Variants in MXRA7 observed in about 807,000 individuals in gnomAD.
The protein encoded by MXRA7 is matrix-remodeling-associated protein 7.
A neutral mutation model predicts 17.4 loss-of-function variants in MXRA7; 18 were observed. That is an observed-to-expected ratio of 1.03 (90% CI 0.71 to 1.53). The LOEUF (loss-of-function observed/expected upper bound fraction) is 1.53. MXRA7 is among the 40% of genes most tolerant of loss of function. The pLI, the probability that MXRA7 is intolerant of heterozygous loss-of-function variation, is 0.00. For missense variants in MXRA7, 141 were observed against 209.3 expected (o/e 0.67, Z 2.01); for synonymous variants, 70 against 101.7 (o/e 0.69, Z 1.87).
chr17:76,673,841 C>G (rs1181707257), exon 4 of MXRA7: 4 of 152,106 alleles, frequency 2.6e-5, no homozygotes, highest in Non-Finnish European at 5.9e-5. Context: ...AGGTGGTTAC[C>G]GTCAGTCCAG....
intron 1 of MXRA7, among the ~76,000 whole-genome samples, chr17:76,691,743 A>G (rs996474029): frequency 1.3e-5 from 2 of 152,114 alleles, no homozygotes; most frequent in African/African-American, 2.4e-5. Context: ...CTCATGGTTG[A>G]TGTCTCTCTT....
At chr17:76,673,274 T>A (rs2076215900) in exon 4 of MXRA7, 1 of 152,190 alleles carries the variant, frequency 6.6e-6, no homozygotes, top group Non-Finnish European at 1.5e-5. Flanking sequence ...GGAAACAACT[T>A]CTACTTTCTT....
intron 1 of MXRA7, chr17:76,688,502 G>A (rs747109357): frequency 1.8e-4 from 243 of 1,317,678 alleles, no homozygotes; most frequent in Middle Eastern, 5.8e-4. Flanking sequence ...CTCCCACTGC[G>A]ACGCTGCGGC....
At chr17:76,703,436 A>G (rs1341450585) in intron 1 of MXRA7, among the ~76,000 whole-genome samples, 1 of 152,110 alleles carries the variant, frequency 6.6e-6, no homozygotes, top group Non-Finnish European at 1.5e-5. Context: ...AACCTGCAAC[A>G]TGGCGAAACT....
intron 3 of MXRA7, among the ~76,000 whole-genome samples, chr17:76,684,127 G>A (rs888923034): frequency 4.6e-5 from 7 of 152,032 alleles, no homozygotes; most frequent in South Asian, 2.1e-4. Context: ...GCCTGTCACC[G>A]GCAGAGCAGC....
intron 1 of MXRA7, among the ~76,000 whole-genome samples, chr17:76,692,982 C>G (rs1233188394): frequency 6.6e-6 from 1 of 151,778 alleles, no homozygotes; most frequent in Non-Finnish European, 1.5e-5. Flanking sequence ...GCCTGCCTGT[C>G]CCTCCAGACA....
downstream of MXRA7, among the ~76,000 whole-genome samples, chr17:76,679,307 A>G (rs1292744294): frequency 6.6e-6 from 1 of 151,558 alleles, no homozygotes; most frequent in Non-Finnish European, 1.5e-5. Context: ...AAAAAAAAGA[A>G]GAAGAAGAGG....
In MXRA7 at chr17:76,681,004, A is replaced by G. The variant is rs1053034372; in HGVS notation, c.501-125T>C. The G allele has an allele frequency of 1.6e-5, 13 of 803,824 alleles. No individual in the cohort carries two copies. In the African/African-American group the frequency reaches 2.1e-4, roughly 13 times the overall value. The allele number at this position is 803,824 out of a possible 1,614,324, so 49.8% of individuals were successfully genotyped here. A position where few individuals can be genotyped will look rare whatever the true frequency, so the allele number is the denominator to read the frequency against. On this transcript the variant is annotated intron_variant, in intron 3 of 3. Transcript: ENST00000449428. The surrounding 1 kb of genome is among the most constrained non-coding windows in gnomAD (Gnocchi z 4.7). The stretch of plus-strand genomic sequence containing the variant: ...TTTGGAATTGCAGAAGCTGCGCTAG[A>G]CTCTGGTTTCTCAAACCACTGCTGA...
At chr17:76,688,391 G>A (rs1224943283) in intron 1 of MXRA7, 13 of 1,430,680 alleles carry the variant, frequency 9.1e-6, no homozygotes, top group Non-Finnish European at 1.2e-5. Flanking sequence ...GCTGAGCTGA[G>A]GCGTGTTCTT....
rs1044081186 is a variant in MXRA7 at position 76,687,585 on chromosome 17, G to A, written c.406+528C>T. Among the ~76,000 whole-genome samples the A allele has an allele frequency of 4.6e-5, 7 of 152,194 alleles. No individual in the cohort carries two copies. The East Asian group carries it at 9.7e-4, about 21-fold the overall frequency. ...GTTCCGCCTCTGTCTGTCCTGGCCG[G>A]GTCCGATCTGGCAGTGTCTCCCCTG... On this transcript the variant is annotated intron_variant, in intron 2 of 3. Transcript: ENST00000449428.
chr17:76,702,873 G>A (rs986939213), intron 1 of MXRA7, among the ~76,000 whole-genome samples: 2 of 141,898 alleles, frequency 1.4e-5, no homozygotes, highest in East Asian at 2.4e-4. Context: ...ATATATATAC[G>A]TATATATATA....
intron 2 of MXRA7, among the ~76,000 whole-genome samples, chr17:76,687,741 T>A (rs1055543966): frequency 1.3e-5 from 2 of 152,190 alleles, no homozygotes; most frequent in African/African-American, 4.8e-5. Flanking sequence ...GGAGGCCGTG[T>A]GAGTGGTTTT....
chr17:76,696,745 G>C (rs1342413205), intron 1 of MXRA7, among the ~76,000 whole-genome samples: 1 of 152,128 alleles, frequency 6.6e-6, no homozygotes, highest in Non-Finnish European at 1.5e-5. Context: ...CTGGCCTTCA[G>C]CTCAGCGTTG....
chr17:76,704,065 T>C (rs1389225806), intron 1 of MXRA7, among the ~76,000 whole-genome samples: 1 of 151,342 alleles, frequency 6.6e-6, no homozygotes, highest in East Asian at 2.0e-4. Context: ...ATTGTGCCAC[T>C]GCGCTCCAGC....
Sources: allele counts gnomAD v4.1 joint callset (sites outside exome capture counted in the v4.1 genomes callset), GRCh38; gene constraint gnomAD v4.1.1; non-coding constraint Gnocchi (gnomAD v3.1); transcripts MANE v1.5; gene names NCBI Gene and HGNC (gene_info 2026-07-23, HGNC 2026-07-21).